The following TMPRSS15 variants were observed in gnomAD, a reference collection of about 807,000 sequenced individuals.
TMPRSS15 encodes the protein enteropeptidase.
A neutral mutation model predicts 125.3 loss-of-function variants in TMPRSS15; 128 were observed. That is an observed-to-expected ratio of 1.02 (90% CI 0.89 to 1.18). The LOEUF is 1.18. Ranked by LOEUF, TMPRSS15 falls within the 50% of genes most tolerant of loss-of-function variation. The pLI, the probability that TMPRSS15 is intolerant of heterozygous loss-of-function variation, is 0.00. For missense variants in TMPRSS15, 1,283 were observed against 1,212.7 expected, an observed-to-expected ratio of 1.06 and a Z score of -0.86; for synonymous variants, 446 against 423.2, an observed-to-expected ratio of 1.05 and a Z score of -0.66.
intron 21 of TMPRSS15, among the ~76,000 whole-genome samples, chr21:18,293,738 A>C (rs2146897665): frequency 1.3e-5 from 2 of 152,340 alleles, no homozygotes; most frequent in Middle Eastern, 6.8e-3. Flanking sequence ...ATTAGTTCTA[A>C]ATTTCAGTTA....
At chr21:18,451,778 T>C (rs1018432406) in intron 1 of TMPRSS15, among the ~76,000 whole-genome samples, 12 of 152,300 alleles carry the variant, frequency 7.9e-5, no homozygotes, top group African/African-American at 2.2e-4. Flanking sequence ...TTTGTATGAC[T>C]GTCCAAGATG....
Position 18,365,206 on chromosome 21 carries a change from C to T in TMPRSS15, c.707G>A (p.Gly236Glu). 1 of 1,614,054 alleles carries T rather than the reference C, an allele frequency of 6.2e-7. No homozygotes were observed. Among genetic ancestry groups the T allele is most frequent in the Non-Finnish European group, 8.5e-7 (1 of 1,179,988 alleles). ...DGRFLLTGSS[G>E]SFQATHYPKP... ...TGGATAATGAGTAGCCTGGAAAGAC[C>T]CAGATGATCCAGTTAACAAAAATCT... Residue 236 changes from glycine to glutamate, a missense_variant, in exon 7 of 25, where the codon GGG becomes GAG. Physicochemically the swap from Gly to Glu is moderately conservative, Grantham distance 98 (BLOSUM62 -2). Coordinates refer to ENST00000284885, the MANE Select transcript of TMPRSS15 (RefSeq NM_002772.3).
At chr21:18,310,425 G>A (rs1052120499) in intron 18 of TMPRSS15, among the ~76,000 whole-genome samples, 1 of 151,116 alleles carries the variant, frequency 6.6e-6, no homozygotes, top group Non-Finnish European at 1.5e-5. Context: ...CCAACTAGCT[G>A]AAAAAGAAAT....
chr21:18,360,964 A>G (rs1009303261), intron 7 of TMPRSS15, among the ~76,000 whole-genome samples: 1 of 152,174 alleles, frequency 6.6e-6, no homozygotes, highest in African/African-American at 2.4e-5. Context: ...TGTTATTTAC[A>G]TACTTAAATG....
intron 4 of TMPRSS15, among the ~76,000 whole-genome samples, chr21:18,380,993 T>A (rs2075888117): frequency 1.3e-5 from 2 of 152,118 alleles, no homozygotes; most frequent in Admixed American, 1.3e-4. Context: ...ATAATGAATA[T>A]TTCCTTGGAA....
intron 1 of TMPRSS15, among the ~76,000 whole-genome samples, chr21:18,450,490 A>G (rs1314055287): frequency 6.6e-6 from 1 of 152,188 alleles, no homozygotes; most frequent in Non-Finnish European, 1.5e-5. Context: ...CCATCCCTTG[A>G]CAATGGTTTT....
chr21:18,330,456 A>C (rs2075333383), intron 14 of TMPRSS15, among the ~76,000 whole-genome samples: 1 of 152,142 alleles, frequency 6.6e-6, no homozygotes, highest in South Asian at 2.1e-4. Flanking sequence ...TTTACCCATT[A>C]CCATTATTTA....
intron 19 of TMPRSS15, among the ~76,000 whole-genome samples, chr21:18,295,004 A>T (rs975441776): frequency 1.3e-5 from 2 of 152,208 alleles, no homozygotes; most frequent in African/African-American, 4.8e-5. Context: ...ACACAATGAA[A>T]TTCTATAAAT....
rs34604020 is a variant in TMPRSS15 at position 18,472,455 on chromosome 21, T to TTATATATATATA, written c.10+13332_10+13343dup. Among the ~76,000 whole-genome samples, 272 of 143,150 alleles carry TTATATATATATA rather than the reference T, an allele frequency of 1.9e-3. 1 individual carries two copies. Among genetic ancestry groups the TTATATATATATA allele is most frequent in the South Asian group, 0.019 (87 of 4,590 alleles). 93.9% of individuals were successfully genotyped at this position (143,150 alleles called of 152,430 possible). On this transcript the variant is annotated intron_variant, in intron 1 of 7. Transcript: ENST00000422787. ...GGGTGCAAATTTAAAGCTAAAAGAA[T>TTATATATATATA]TATATATATATATATATATATATAT...
chr21:18,290,536 A>G (rs1218965824), intron 21 of TMPRSS15, among the ~76,000 whole-genome samples: 1 of 151,870 alleles, frequency 6.6e-6, no homozygotes, highest in East Asian at 1.9e-4. Flanking sequence ...TTTCCTACCT[A>G]ATAACTGACC....
intron 6 of TMPRSS15, among the ~76,000 whole-genome samples, chr21:18,366,974 A>G (rs2075743983): frequency 1.3e-5 from 2 of 152,126 alleles, no homozygotes; most frequent in Non-Finnish European, 2.9e-5. Context: ...TTAGATAGCA[A>G]ATAGAAATCT....
intron 23 of TMPRSS15, among the ~76,000 whole-genome samples, chr21:18,277,910 A>G (rs900133906): frequency 6.6e-6 from 1 of 152,178 alleles, no homozygotes; most frequent in Middle Eastern, 3.2e-3. Flanking sequence ...ACAGCCAATG[A>G]GCCTTGTGGT....
At chr21:18,390,439 A>G (rs2123089350) in intron 3 of TMPRSS15, among the ~76,000 whole-genome samples, 1 of 152,316 alleles carries the variant, frequency 6.6e-6, no homozygotes, top group Middle Eastern at 3.4e-3. Flanking sequence ...ACAGCTGCTA[A>G]ATAATTTTTC....
intron 21 of TMPRSS15, 63 bp from the exon 22 acceptor site, chr21:18,281,284 T>G (rs1410900658): frequency 7.4e-7 from 1 of 1,347,618 alleles, no homozygotes; most frequent in East Asian, 2.3e-5. Flanking sequence ...TTCTAGAAGA[T>G]CTTCATCATG....
In TMPRSS15 at chr21:18,275,298, G is replaced by GAGGA. The variant is rs1447059154; in HGVS notation, c.2799_2802dup (p.Leu935SerfsTer6). 25 of 1,614,028 alleles carry GAGGA rather than the reference G, an allele frequency of 1.5e-5. No homozygotes were observed. The highest frequency in any genetic ancestry group is 2.0e-5 in the Non-Finnish European group (24 of 1,179,986). On this transcript the variant is annotated frameshift_variant, in exon 24 of 25. Coordinates refer to ENST00000284885, the MANE Select transcript of TMPRSS15 (RefSeq NM_002772.3). LOFTEE classifies it high-confidence loss of function. ...TGTTGGCATCTCTCATTTGATAGAA[G>GAGGA]AGGAACATCAGCTTCTTGCAATATG...
chr21:18,340,389 C>T lies in TMPRSS15; in HGVS notation c.1564+1024G>A, dbSNP rs139322014. ...TTGCCAGAGGCTCTCAGGCCTTTGG[C>T]CACAGACTGAAGGCTGCACAATCAG... On this transcript the variant is annotated intron_variant, in intron 13 of 24. Transcript: ENST00000284885. 3.9e-3 allele frequency among the ~76,000 whole-genome samples: 592 copies of T among 152,218 alleles called. 4 individuals carry two copies. The highest frequency in any genetic ancestry group is 0.014 in the African/African-American group (570 of 41,522).
chr21:18,470,170 G>C (rs1262111119), intron 1 of TMPRSS15, among the ~76,000 whole-genome samples: 2 of 151,948 alleles, frequency 1.3e-5, no homozygotes, highest in African/African-American at 4.8e-5. Context: ...TTTTAATGAA[G>C]GTGTTACTAA....
chr21:18,401,318 T>C (rs2076092843), intron 1 of TMPRSS15, among the ~76,000 whole-genome samples: 1 of 152,168 alleles, frequency 6.6e-6, no homozygotes, highest in Non-Finnish European at 1.5e-5. Flanking sequence ...AGCAAAGTTA[T>C]GGACTCAACC....
chr21:18,361,475 G>A (rs1162057603), intron 7 of TMPRSS15, among the ~76,000 whole-genome samples: 1 of 152,154 alleles, frequency 6.6e-6, no homozygotes, highest in Non-Finnish European at 1.5e-5. Flanking sequence ...GGAGCCCTGA[G>A]AAGTGGTCTG....
Sources: allele counts gnomAD v4.1 joint callset (sites outside exome capture counted in the v4.1 genomes callset), GRCh38; gene constraint gnomAD v4.1.1; transcripts MANE v1.5; gene names NCBI Gene and HGNC (gene_info 2026-07-23, HGNC 2026-07-21).